IP6K3: variants seen among roughly 807,000 people sequenced by gnomAD.
IP6K3 encodes inositol hexakisphosphate kinase 3.
IP6K3 carries 20 observed loss-of-function variants against 28.8 expected under a neutral mutation model. The observed-to-expected ratio is 0.70, with a 90% CI of 0.49 to 1.01. The LOEUF (loss-of-function observed/expected upper bound fraction) is 1.01, where lower values mean the gene tolerates loss of function less well. IP6K3 is among the 50% of genes least tolerant of loss of function. The pLI is 0.00. For synonymous variants in IP6K3, 213 were observed against 221.3 expected, an observed-to-expected ratio of 0.96 and a Z score of 0.33; for missense variants, 480 against 537.1, an observed-to-expected ratio of 0.89 and a Z score of 1.05.
chr6:33,725,295 C>T (rs1057127038), intron 5 of IP6K3, 146 bp downstream of exon 5: 1 of 675,060 alleles, frequency 1.5e-6, no homozygotes, highest in Non-Finnish European at 2.3e-6. Flanking sequence ...TATGCATTTC[C>T]TTGTTGGAGG....
chr6:33,737,797 G>C (rs1292111243), intron 1 of IP6K3, among the ~76,000 whole-genome samples: 1 of 152,176 alleles, frequency 6.6e-6, no homozygotes, highest in Non-Finnish European at 1.5e-5. Context: ...GCTCGGGTGG[G>C]AGGATGGAGG....
At chr6:33,743,131 G>A (rs921273639) in intron 1 of IP6K3, among the ~76,000 whole-genome samples, 1 of 152,206 alleles carries the variant, frequency 6.6e-6, no homozygotes. Context: ...AGGAGATGCT[G>A]GCCTGGGCCC....
upstream of IP6K3, among the ~76,000 whole-genome samples, chr6:33,748,395 A>G (rs1194232047): frequency 1.3e-5 from 2 of 151,906 alleles, no homozygotes; most frequent in African/African-American, 4.8e-5. Flanking sequence ...CCCGCCAGCC[A>G]TTGTCCATTC....
chr6:33,751,814 C>A (rs184860364), upstream of IP6K3, among the ~76,000 whole-genome samples: 3 of 152,318 alleles, frequency 2.0e-5, no homozygotes, highest in Non-Finnish European at 2.9e-5. The surrounding 1 kb of genome is among the most constrained non-coding windows in gnomAD (Gnocchi z 4.3). Flanking sequence ...CTCCACCCAA[C>A]GGGGAAGGCA....
In IP6K3 at chr6:33,746,874, G is replaced by A. The variant is rs1766931609; in HGVS notation, c.-296C>T. The A allele has an allele frequency of 6.6e-6, 1 of 152,354 alleles. No homozygotes were observed. 9.4% of individuals were successfully genotyped at this position (152,354 alleles called of 1,614,324 possible). ...TGGCCCGTCCCAGCGTGGAGCATTT[G>A]CTGTTCACCAGAGCCCTGGTGCGGG... On this transcript the variant is annotated 5_prime_UTR_variant, in exon 1 of 6. Coordinates refer to ENST00000293756, the MANE Select transcript of IP6K3 (RefSeq NM_054111.5). This position sits in a 1 kb window ranked among gnomAD's most constrained non-coding sequence, Gnocchi z 6.5.
At chr6:33,733,381 C>T (rs927600759) in intron 2 of IP6K3, among the ~76,000 whole-genome samples, 6 of 152,230 alleles carry the variant, frequency 3.9e-5, no homozygotes, top group African/African-American at 1.2e-4. Context: ...AGAGTGGGGC[C>T]CTCCTACCCA....
chr6:33,736,930 C>T (rs1766548036), intron 1 of IP6K3, among the ~76,000 whole-genome samples: 1 of 152,194 alleles, frequency 6.6e-6, no homozygotes, highest in South Asian at 2.1e-4. Context: ...CAGAGCAAAG[C>T]GTTCAGTAAA....
intron 4 of IP6K3, among the ~76,000 whole-genome samples, 193 bp from the exon 5 acceptor site, chr6:33,725,809 A>G (rs1269933321): frequency 1.3e-5 from 2 of 152,244 alleles, no homozygotes; most frequent in Non-Finnish European, 2.9e-5. Flanking sequence ...GGCTGCTTTA[A>G]TAAGTCCATT....
chr6:33,733,827 A>T (rs1766407656), intron 2 of IP6K3, among the ~76,000 whole-genome samples: 1 of 152,234 alleles, frequency 6.6e-6, no homozygotes, highest in Admixed American at 6.5e-5. Context: ...GAATCCAGGC[A>T]TGTGTGAAAC....
chr6:33,735,148 T>G, intron 2 of IP6K3, 130 bp downstream of exon 2: 1 of 705,222 alleles, frequency 1.4e-6, no homozygotes, highest in East Asian at 2.7e-5. Flanking sequence ...CCAGCCCCGC[T>G]GGGAGAGGGG....
chr6:33,756,758 T>C, the IP6K3 span, among the ~76,000 whole-genome samples: 1 of 152,048 alleles, frequency 6.6e-6, no homozygotes, highest in Non-Finnish European at 1.5e-5. Flanking sequence ...ATTTTATAGA[T>C]GGAGAAACTG....
the IP6K3 span, among the ~76,000 whole-genome samples, chr6:33,756,308 G>A: frequency 6.6e-6 from 1 of 152,318 alleles, no homozygotes; most frequent in African/African-American, 2.4e-5. Context: ...GGTGTCTTTT[G>A]AGCAGAGACT....
the IP6K3 span, among the ~76,000 whole-genome samples, chr6:33,759,392 C>A: frequency 1.3e-5 from 2 of 152,252 alleles, no homozygotes; most frequent in East Asian, 3.9e-4. Flanking sequence ...CAGGCACGCA[C>A]CACTACACCT....
Position 33,742,616 on chromosome 6 carries a change from G to A in IP6K3, c.-180+4142C>T, listed in dbSNP as rs1766768072. ...AGAGTAGGAAAGTAATCCCCTAGAG[G>A]CACGATAATTCTCAAATGTATGTAA... On this transcript the variant is annotated intron_variant, in intron 1 of 5. Transcript: ENST00000293756. The surrounding 1 kb of genome is among the most constrained non-coding windows in gnomAD (Gnocchi z 4.5). Among the ~76,000 whole-genome samples the A allele has an allele frequency of 6.6e-6, 1 of 152,160 alleles. No individual in the cohort carries two copies.
In IP6K3 at chr6:33,728,073, C is replaced by T. The variant is rs1174279503; in HGVS notation, c.413+14G>A. On this transcript the variant is annotated intron_variant, in intron 3 of 5. Transcript: ENST00000293756. ...GAGGGACAGGGTTTCTGTCATCCTG[C>T]CCAGTGCCCTCACCTCTCCTTGGGT... is the stretch of plus-strand genomic sequence containing the variant. 2 of 1,599,864 alleles carry T rather than the reference C, an allele frequency of 1.3e-6. No individual in the cohort carries two copies. Among genetic ancestry groups the T allele is most frequent in the Admixed American group, 1.7e-5 (1 of 59,970 alleles).
At chr6:33,740,713 A>G (rs919404657) in intron 1 of IP6K3, among the ~76,000 whole-genome samples, 2 of 152,214 alleles carry the variant, frequency 1.3e-5, no homozygotes, top group Non-Finnish European at 2.9e-5. Flanking sequence ...CCGTCGGCAC[A>G]TTTTTATTTC....
At chr6:33,740,409 G>T (rs530061329) in intron 1 of IP6K3, among the ~76,000 whole-genome samples, 1 of 152,236 alleles carries the variant, frequency 6.6e-6, no homozygotes, top group Non-Finnish European at 1.5e-5. Context: ...CTGATGGGGC[G>T]CAGACACCGA....
At chr6:33,737,721 C>T (rs763396110) in intron 1 of IP6K3, among the ~76,000 whole-genome samples, 3 of 152,102 alleles carry the variant, frequency 2.0e-5, no homozygotes, top group Non-Finnish European at 4.4e-5. Flanking sequence ...TTGGCTGGTA[C>T]GTAGGATGCG....
upstream of IP6K3, among the ~76,000 whole-genome samples, chr6:33,750,758 G>A (rs780463281): frequency 2.6e-5 from 4 of 152,120 alleles, no homozygotes; most frequent in African/African-American, 4.8e-5. The surrounding 1 kb of genome is among the most constrained non-coding windows in gnomAD (Gnocchi z 4.3). Context: ...GCACAACAGC[G>A]GTTTCCTTTC....
Sources: gnomAD v4.1 joint callset for allele counts (sites outside exome capture counted in the v4.1 genomes callset) on GRCh38, gnomAD v4.1.1 for gene constraint, Gnocchi (gnomAD v3.1) non-coding constraint, MANE v1.5 for transcripts, NCBI Gene and HGNC (gene_info 2026-07-23, HGNC 2026-07-21) for gene names.